The following PRKCB variants were observed in gnomAD, a reference collection of about 807,000 sequenced individuals.
PRKCB encodes the protein protein kinase C beta type.
In PRKCB, 13 loss-of-function variants were observed where a neutral mutation model predicts 81.5. That is an observed-to-expected ratio of 0.16 (90% CI 0.10 to 0.25). PRKCB has a LOEUF of 0.25. Among genes scored for constraint, PRKCB ranks in the 10% least tolerant of loss-of-function variants. The probability of loss-of-function intolerance (pLI) is 1.00; values close to 1 mark genes in which losing one functional copy is unlikely to be tolerated. For missense variants in PRKCB, 509 were observed against 875.7 expected (o/e 0.58, Z 5.29); for synonymous variants, 335 against 321.4 (o/e 1.04, Z -0.45).
chr16:23,985,389 G>A (rs543559700), intron 2 of PRKCB, among the ~76,000 whole-genome samples: 10 of 152,240 alleles, frequency 6.6e-5, no homozygotes, highest in Admixed American at 2.0e-4. Flanking sequence ...GAACCACTGC[G>A]CACAGCTATT....
intron 12 of PRKCB, among the ~76,000 whole-genome samples, chr16:24,176,555 T>C (rs1335626334): frequency 6.6e-6 from 1 of 152,238 alleles, no homozygotes; most frequent in African/African-American, 2.4e-5. Flanking sequence ...TTGACTCTCA[T>C]AGTGACAACA....
At chr16:23,966,780 G>A (rs1964492405) in intron 2 of PRKCB, among the ~76,000 whole-genome samples, 2 of 152,118 alleles carry the variant, frequency 1.3e-5, no homozygotes, top group African/African-American at 4.8e-5. Flanking sequence ...CATATACACT[G>A]GTGTGCCAAG....
At position 24,114,866 on chromosome 16, in the gene PRKCB, AC is replaced by A. The variant is rs143353537; in HGVS notation, c.918+1798del. 7.4e-4 allele frequency among the ~76,000 whole-genome samples: 112 copies of A among 152,266 alleles called. 2 individuals are homozygous for A. In the East Asian group the frequency reaches 0.02, roughly 27 times the overall value. On this transcript the variant is annotated intron_variant, in intron 8 of 16. Transcript: ENST00000643927. ...AATGACACACACAAATAAAAAAAAA[AC>A]GTGTAAAGACCATGTAAAGTCCTGG...
chr16:23,911,128 CT>C (rs567904157), intron 2 of PRKCB, among the ~76,000 whole-genome samples: 74 of 31,554 alleles, frequency 2.3e-3, no homozygotes, highest in Admixed American at 6.6e-3. Context: ...CGTATATATG[CT>C]TTTTTTTTTT....
chr16:23,929,552 G>A (rs1382092089), intron 2 of PRKCB, among the ~76,000 whole-genome samples: 4 of 152,036 alleles, frequency 2.6e-5, no homozygotes, highest in Admixed American at 2.0e-4. Context: ...GGAATTCAGC[G>A]ACCCCTCAGT....
chr16:23,886,419 T>TTTTTG (rs1963203625), intron 2 of PRKCB, among the ~76,000 whole-genome samples: 2 of 142,456 alleles, frequency 1.4e-5, no homozygotes, highest in African/African-American at 5.3e-5. Flanking sequence ...TTTTTTTTTT[T>TTTTTG]TTTTTTTTTT....
At chr16:24,015,072 A>G (rs1277955089) in intron 3 of PRKCB, among the ~76,000 whole-genome samples, 1 of 152,154 alleles carries the variant, frequency 6.6e-6, no homozygotes, top group Non-Finnish European at 1.5e-5. Flanking sequence ...AAATGCTGGG[A>G]TTACAGGTGT....
At chr16:24,207,941 G>A (rs1326247075) in intron 16 of PRKCB, among the ~76,000 whole-genome samples, 1 of 152,220 alleles carries the variant, frequency 6.6e-6, no homozygotes, top group African/African-American at 2.4e-5. Context: ...AGTATGGCTG[G>A]AGGGTGTCTC....
rs535488023 is a variant in PRKCB, at chr16:23,877,161, G to C, written c.205+39755G>C. 1.2e-4 allele frequency among the ~76,000 whole-genome samples: 18 copies of C among 152,072 alleles called. No homozygotes were observed. The South Asian group carries it at 1.5e-3, about 12-fold the overall frequency. Reference sequence around the variant, plus strand: ...TAAAAGATGCAAATTTCCCACCTGGGTAACATAGTGAGACCCTGTCCTTAA... The same window carrying C: ...TAAAAGATGCAAATTTCCCACCTGGCTAACATAGTGAGACCCTGTCCTTAA... On this transcript the variant is annotated intron_variant, in intron 2 of 16. Transcript: ENST00000643927.
chr16:24,136,106 T>C (rs1012289262), intron 9 of PRKCB, among the ~76,000 whole-genome samples: 1 of 151,766 alleles, frequency 6.6e-6, no homozygotes, highest in African/African-American at 2.4e-5. Context: ...GTTTTTTTTT[T>C]TTTTTTTGCC....
intron 5 of PRKCB, among the ~76,000 whole-genome samples, chr16:24,070,821 C>A (rs964491176): frequency 6.6e-6 from 1 of 152,130 alleles, no homozygotes; most frequent in African/African-American, 2.4e-5. Context: ...AGTCATAGTC[C>A]CTTCCCTTAA....
chr16:23,889,146 CCATCCATCCAT>C (rs1963251119), intron 2 of PRKCB, among the ~76,000 whole-genome samples: 1 of 151,676 alleles, frequency 6.6e-6, no homozygotes, highest in Non-Finnish European at 1.5e-5. Flanking sequence ...ATCCATCCAT[CCATCCATCCAT>C]CCATCCATCC....
At chr16:23,962,516 G>T (rs1316309200) in intron 2 of PRKCB, among the ~76,000 whole-genome samples, 2 of 152,136 alleles carry the variant, frequency 1.3e-5, no homozygotes, top group Non-Finnish European at 2.9e-5. Context: ...CTCTAACCTG[G>T]TCACCCATCT....
chr16:24,033,932 G>C lies in PRKCB; in HGVS notation c.401-1487G>C, dbSNP rs996306157. On this transcript the variant is annotated intron_variant, in intron 4 of 16. Coordinates refer to ENST00000643927, the MANE Select transcript of PRKCB (RefSeq NM_002738.7). ...AGGCAGAGAGACACAGTTGGAGAAAGGGAGAGACAAAGAGGCCAGAGACAA... is the reference window on the plus strand; with the variant it reads ...AGGCAGAGAGACACAGTTGGAGAAACGGAGAGACAAAGAGGCCAGAGACAA... 2.6e-5 allele frequency among the ~76,000 whole-genome samples: 4 copies of C among 152,168 alleles called. No homozygotes were observed. In the South Asian group the frequency reaches 8.3e-4, roughly 32 times the overall value.
intron 10 of PRKCB, among the ~76,000 whole-genome samples, chr16:24,155,403 T>A (rs1278478474): frequency 6.6e-6 from 1 of 152,218 alleles, no homozygotes; most frequent in Non-Finnish European, 1.5e-5. Context: ...GTCCATTTTC[T>A]GCTCTTGACT....
intron 10 of PRKCB, among the ~76,000 whole-genome samples, chr16:24,158,211 T>G (rs1474429967): frequency 2.6e-5 from 4 of 152,242 alleles, no homozygotes; most frequent in Admixed American, 6.5e-5. Context: ...TCTGCGCATA[T>G]GCTCATTGAG....
At chr16:23,948,719 T>A (rs1964236590) in intron 2 of PRKCB, among the ~76,000 whole-genome samples, 1 of 152,222 alleles carries the variant, frequency 6.6e-6, no homozygotes, top group Non-Finnish European at 1.5e-5. Context: ...CCTTGAATTC[T>A]CACAGTAACC....
At chr16:24,123,671 A>C (rs1157305964) in intron 8 of PRKCB, among the ~76,000 whole-genome samples, 164 bp from the exon 9 acceptor site, 1 of 152,092 alleles carries the variant, frequency 6.6e-6, no homozygotes, top group African/African-American at 2.4e-5. Flanking sequence ...GTTGCAAAGG[A>C]TGTCCGACAG....
chr16:24,076,657 AACCTCAACGTATT>A (rs1170152315), intron 5 of PRKCB, among the ~76,000 whole-genome samples: 2 of 152,206 alleles, frequency 1.3e-5, no homozygotes, highest in Non-Finnish European at 2.9e-5. Flanking sequence ...AGGCACTTCA[AACCTCAACGTATT>A]ACCTTGCTAC....
Sources: allele counts gnomAD v4.1 joint callset (sites outside exome capture counted in the v4.1 genomes callset), GRCh38; gene constraint gnomAD v4.1.1; transcripts MANE v1.5; gene names NCBI Gene and HGNC (gene_info 2026-07-23, HGNC 2026-07-21).